Variants in ESR1 observed in about 807,000 individuals in gnomAD.
ESR1 encodes the protein estrogen receptor.
Under a neutral mutation model 52.7 loss-of-function variants are expected in ESR1, and 12 were observed. That is an observed-to-expected ratio of 0.23 (90% CI 0.15 to 0.37). The LOEUF is 0.37. ESR1 is among the 10% of genes least tolerant of loss of function. ESR1 has a pLI of 1.00. For missense variants in ESR1, 584 were observed against 779.7 expected (o/e 0.75, Z 2.99); for synonymous variants, 305 against 316.8 (o/e 0.96, Z 0.39).
chr6:151,816,631 A>G (rs1199275992), intron 1 of ESR1, among the ~76,000 whole-genome samples: 1 of 152,074 alleles, frequency 6.6e-6, no homozygotes, highest in Non-Finnish European at 1.5e-5. Flanking sequence ...TTAATACCCT[A>G]TTGTGATTAG....
chr6:151,879,865 C>T (rs1000086754), intron 2 of ESR1, among the ~76,000 whole-genome samples: 10 of 152,042 alleles, frequency 6.6e-5, no homozygotes, highest in Admixed American at 5.2e-4. Context: ...CCCACCAAGC[C>T]GGCTTGACTT....
chr6:151,706,696 C>A (rs1332038758), intron 2 of ESR1, among the ~76,000 whole-genome samples: 1 of 152,162 alleles, frequency 6.6e-6, no homozygotes, highest in African/African-American at 2.4e-5. Context: ...CAGCTGATAT[C>A]CTTTCTACTC....
chr6:151,805,541 C>G (rs1165766055), upstream of ESR1: 1 of 152,810 alleles, frequency 6.5e-6, no homozygotes, highest in African/African-American at 2.4e-5. Flanking sequence ...TGTGAGCAGA[C>G]AGCAAGTCTC....
intron 6 of ESR1, among the ~76,000 whole-genome samples, chr6:152,079,099 A>C (rs1383390297): frequency 1.3e-5 from 2 of 152,264 alleles, no homozygotes; most frequent in Non-Finnish European, 2.9e-5. Flanking sequence ...AGACTTAAAC[A>C]TCCCTGTCTG....
In ESR1 at chr6:152,098,945, G is replaced by C. The variant is rs1218237385; in HGVS notation, c.1767G>C (p.Glu589Asp). 1 of 1,613,994 alleles carries C rather than the reference G, an allele frequency of 6.2e-7. No individual in the cohort carries two copies. Among genetic ancestry groups the C allele is most frequent in the African/African-American group, 1.3e-5 (1 of 74,926 alleles). The stretch of plus-strand genomic sequence containing the variant: ...AGTATTACATCACGGGGGAGGCAGA[G>C]GGTTTCCCTGCCACGGTCTGAGAGC... ...LQKYYITGEA[E>D]GFPATV is the part of the protein sequence containing the mutation. The change falls in exon 8 of 8, where the codon GAG becomes GAC. Residue 589 changes from glutamate to aspartate, a missense_variant. Transcript: ENST00000206249. This position sits in a 1 kb window ranked among gnomAD's most constrained non-coding sequence, Gnocchi z 5.1.
chr6:151,841,084 T>A (rs1784210128), intron 1 of ESR1, among the ~76,000 whole-genome samples: 1 of 152,200 alleles, frequency 6.6e-6, no homozygotes, highest in Non-Finnish European at 1.5e-5. Context: ...AGGCAATTTC[T>A]TTTACCTGTG....
intron 2 of ESR1, among the ~76,000 whole-genome samples, chr6:151,770,100 T>A (rs1235041939): frequency 2.0e-5 from 3 of 149,564 alleles, no homozygotes; most frequent in Admixed American, 2.0e-4. Flanking sequence ...AATAGATGAG[T>A]GGAGAGATGG....
intron 4 of ESR1, among the ~76,000 whole-genome samples, chr6:151,991,935 C>T (rs985535622): frequency 1.3e-5 from 2 of 152,066 alleles, no homozygotes; most frequent in Non-Finnish European, 2.9e-5. Context: ...GGTTGACTTG[C>T]TCTTCCCTCT....
chr6:151,862,281 C>G (rs1260782861), intron 2 of ESR1, among the ~76,000 whole-genome samples: 1 of 152,150 alleles, frequency 6.6e-6, no homozygotes, highest in African/African-American at 2.4e-5. Flanking sequence ...GTTCTGTTGC[C>G]TTCTCCAAGG....
At chr6:151,956,020 A>G (rs1056558607) in intron 4 of ESR1, among the ~76,000 whole-genome samples, 1 of 152,166 alleles carries the variant, frequency 6.6e-6, no homozygotes, top group African/African-American at 2.4e-5. Flanking sequence ...AATGGTCTCC[A>G]ATTCCATCCA....
intron 1 of ESR1, among the ~76,000 whole-genome samples, chr6:151,810,617 A>G (rs1445090070): frequency 5.3e-5 from 8 of 152,232 alleles, no homozygotes; most frequent in Non-Finnish European, 8.8e-5. Flanking sequence ...CCAGAGGGTC[A>G]TGAACTCAGT....
intron 4 of ESR1, among the ~76,000 whole-genome samples, chr6:151,976,574 A>C (rs1188991667): frequency 6.6e-6 from 1 of 152,180 alleles, no homozygotes; most frequent in Non-Finnish European, 1.5e-5. Context: ...ATTTCTTATG[A>C]CATTTCATAT....
upstream of ESR1, among the ~76,000 whole-genome samples, chr6:151,801,824 G>A (rs1057093992): frequency 2.0e-5 from 3 of 152,220 alleles, no homozygotes; most frequent in African/African-American, 4.8e-5. Context: ...GGATAGCTCC[G>A]TCCTTTGATG....
intron 2 of ESR1, among the ~76,000 whole-genome samples, chr6:151,780,213 T>G (rs945793931): frequency 1.3e-5 from 2 of 151,404 alleles, no homozygotes; most frequent in Non-Finnish European, 2.9e-5. Context: ...GTCGGGGGGT[T>G]GGGGGTCAAG....
chr6:151,992,069 G>T (rs2041077713), intron 4 of ESR1, among the ~76,000 whole-genome samples: 1 of 152,116 alleles, frequency 6.6e-6, no homozygotes, highest in Non-Finnish European at 1.5e-5. Flanking sequence ...AAGGTTTTCT[G>T]CTCATTCCAA....
chr6:151,725,794 G>C (rs1215954398), intron 2 of ESR1, among the ~76,000 whole-genome samples: 3 of 152,240 alleles, frequency 2.0e-5, no homozygotes, highest in Non-Finnish European at 4.4e-5. Flanking sequence ...GAACATTCTA[G>C]TGGGAGAGAT....
intron 1 of ESR1, among the ~76,000 whole-genome samples, chr6:151,828,737 C>T (rs12665044): frequency 0.24 from 35,843 of 152,058 alleles, 5,535 homozygotes; most frequent in African/African-American, 0.44. Flanking sequence ...ATATCACACA[C>T]ATCAACCCAA....
At chr6:151,676,197 C>T (rs1287478077) in intron 1 of ESR1, among the ~76,000 whole-genome samples, 1 of 152,118 alleles carries the variant, frequency 6.6e-6, no homozygotes, top group Non-Finnish European at 1.5e-5. Flanking sequence ...CGAAGGAGGC[C>T]AGCCTGCTTC....
At chr6:151,822,924 C>T (rs540065464) in intron 1 of ESR1, among the ~76,000 whole-genome samples, 2 of 152,230 alleles carry the variant, frequency 1.3e-5, no homozygotes, top group South Asian at 2.1e-4. Context: ...CATGGTTAAA[C>T]GTGTGATGAT....
Sources: allele counts gnomAD v4.1 joint callset (sites outside exome capture counted in the v4.1 genomes callset), GRCh38; gene constraint gnomAD v4.1.1; non-coding constraint Gnocchi (gnomAD v3.1); transcripts MANE v1.5; gene names NCBI Gene and HGNC (gene_info 2026-07-23, HGNC 2026-07-21).